Variants in UCKL1 observed in about 807,000 individuals in gnomAD.
UCKL1 encodes uridine-cytidine kinase 1 like 1.
Under a neutral mutation model 59.2 loss-of-function variants are expected in UCKL1, and 65 were observed. The observed-to-expected ratio is 1.10, with a 90% CI of 0.90 to 1.35. UCKL1 has a LOEUF of 1.35. Among genes scored for constraint, UCKL1 ranks in the 40% most tolerant of loss-of-function variants. UCKL1 has a pLI of 0.00. For missense variants in UCKL1, 703 were observed against 784.3 expected (o/e 0.90, Z 1.24); for synonymous variants, 410 against 323.1 (o/e 1.27, Z -2.88).
intron 1 of UCKL1, chr20:63,948,577 G>GGGCGTGTGT (rs1569120920): frequency 6.2e-5 from 5 of 80,616 alleles, no homozygotes; most frequent in African/African-American, 1.7e-4. Context: ...GAGAGGGAGG[G>GGGCGTGTGT]GATGTGTGTG....
At chr20:63,940,544 T>G in intron 12 of UCKL1, 50 bp downstream of exon 12, 3 of 1,603,684 alleles carry the variant, frequency 1.9e-6, no homozygotes, top group Non-Finnish European at 2.5e-6. Flanking sequence ...TGCTGTGAGC[T>G]CCCTCTGCCC....
rs1326834594 is a variant in UCKL1 at position 63,944,703 on chromosome 20, T to C, written c.686A>G (p.Asp229Gly). The change falls in exon 6 of 15, where the codon GAC (aspartate) becomes GGC (glycine). Residue 229 changes from aspartate (D) to glycine (G), a missense_variant. This residue lies in a region of UCKL1 where 398 missense variants were observed against 373.0 expected (regional missense o/e 1.07). Coordinates refer to ENST00000354216, the MANE Select transcript of UCKL1 (RefSeq NM_017859.4). ...LLDMKIFVDT[D>G]SDIRLVRRLR... ...CCGCCGTACCAGGCGGATGTCGGAG[T>C]CTGTGTCCACAAAGATCTTCATGTC... is the stretch of plus-strand genomic sequence containing the variant. 1.2e-6 allele frequency: 2 copies of C among 1,612,732 alleles called. No homozygotes were observed. The highest frequency in any genetic ancestry group is 2.7e-5 in the African/African-American group (2 of 74,934).
In UCKL1 at chr20:63,942,910, G is replaced by T. The variant is rs974561143; in HGVS notation, c.923+743C>A. 1.2e-4 allele frequency among the ~76,000 whole-genome samples: 18 copies of T among 152,294 alleles called. No homozygotes were observed. The East Asian group carries it at 1.4e-3, about 11-fold the overall frequency. On this transcript the variant is annotated intron_variant, in intron 8 of 14. Transcript: ENST00000354216. ...CTCATGCAGGCACCGGAAGCTGGACGGCTGGTGGACGGGCCCTGGAGGCAT... is the reference window on the plus strand; with the variant it reads ...CTCATGCAGGCACCGGAAGCTGGACTGCTGGTGGACGGGCCCTGGAGGCAT...
chr20:63,956,323 G>A lies in UCKL1; in HGVS notation c.50C>T (p.Pro17Leu). Reference protein sequence around the residue: ...RADADPSPTSPPTARDTPGRQ... With the variant: ...RADADPSPTSLPTARDTPGRQ... ...GCCTGGTGTGTCTCGGGCCGTAGGT[G>A]GCGACGTGGGCGAAGGATCAGCGTC... is the stretch of plus-strand genomic sequence containing the variant. Residue 17 changes from proline (P) to leucine (L), a missense_variant, in exon 1 of 15, where the codon CCA becomes CTA. This residue lies in a region of UCKL1 where 398 missense variants were observed against 373.0 expected (regional missense o/e 1.07). Transcript: ENST00000354216. 1 of 1,553,840 alleles carries A rather than the reference G, an allele frequency of 6.4e-7. No individual in the cohort carries two copies. Among genetic ancestry groups the A allele is most frequent in the African/African-American group, 1.4e-5 (1 of 70,396 alleles).
intron 1 of UCKL1, among the ~76,000 whole-genome samples, chr20:63,947,332 C>A (rs1050274553): frequency 1.4e-4 from 22 of 152,242 alleles, no homozygotes; most frequent in African/African-American, 5.3e-4. Flanking sequence ...GCAGGTGAGA[C>A]CCCAAAATGG....
chr20:63,946,950 G>A (rs1366132519), intron 1 of UCKL1, among the ~76,000 whole-genome samples: 5 of 152,108 alleles, frequency 3.3e-5, no homozygotes, highest in Non-Finnish European at 5.9e-5. Context: ...TGGGTGCGGT[G>A]GTGGGTGCCT....
rs1272744896 is a variant in UCKL1, at chr20:63,946,262, C to G, written c.310G>C (p.Gly104Arg). 1.3e-6 allele frequency: 2 copies of G among 1,590,602 alleles called. No individual in the cohort carries two copies. Among genetic ancestry groups the G allele is most frequent in the East Asian group, 2.3e-5 (1 of 43,174 alleles). The change falls in exon 3 of 15, where the codon GGA becomes CGA. Residue 104 changes from glycine to arginine, a missense_variant. This residue lies in a region of UCKL1 where 398 missense variants were observed against 373.0 expected (regional missense o/e 1.07). Coordinates refer to ENST00000354216, the MANE Select transcript of UCKL1 (RefSeq NM_017859.4). ...GTCTTCCCAGAGGCACTGCCGCCTC[C>G]CAAGCCTGCCGGCGGGAGTGGAGAC... The part of the protein sequence containing the change: ...QSKEAFAIGL[G>R]GGSASGKTTV...
intron 7 of UCKL1, among the ~76,000 whole-genome samples, 183 bp downstream of exon 7, chr20:63,944,214 C>T (rs542706407): frequency 6.6e-5 from 10 of 152,326 alleles, no homozygotes; most frequent in East Asian, 5.8e-4. Context: ...CACAGCACAA[C>T]GGGATGGGGT....
Position 63,940,649 on chromosome 20 carries a change from T to TC in UCKL1, c.1246dup (p.Asp416GlyfsTer32). The TC allele has an allele frequency of 6.2e-7, 1 of 1,610,386 alleles. No homozygotes were observed. The highest frequency in any genetic ancestry group is 8.5e-7 in the Non-Finnish European group (1 of 1,179,450). On this transcript the variant is annotated frameshift_variant, in exon 12 of 15. Coordinates refer to ENST00000354216, the MANE Select transcript of UCKL1 (RefSeq NM_017859.4). LOFTEE classifies it high-confidence loss of function. ...GATGAGGATGGTGCCGATGCGCACG[T>TC]CTTTGCACACAGCGCGCAGCGCGGG...
chr20:63,944,347 T>C lies in UCKL1; in HGVS notation c.906+50A>G. ...ACTGGGGGTGGTGGCAGCGGAGAAG[T>C]GGGTAGAGGGGCTGGGGGCTAGGCC... On this transcript the variant is annotated intron_variant, in intron 7 of 14. Coordinates refer to ENST00000354216, the MANE Select transcript of UCKL1 (RefSeq NM_017859.4). 3.3e-6 allele frequency: 5 copies of C among 1,510,468 alleles called. No homozygotes were observed. The South Asian group carries it at 3.8e-5, about 11-fold the overall frequency. 93.6% of individuals were successfully genotyped at this position (1,510,468 alleles called of 1,614,324 possible).
chr20:63,949,106 GAGAC>G (rs1274463566), intron 1 of UCKL1, among the ~76,000 whole-genome samples: 1 of 152,198 alleles, frequency 6.6e-6, no homozygotes, highest in Non-Finnish European at 1.5e-5. Flanking sequence ...CCTCTCCTCA[GAGAC>G]AGACAGGTCT....
At chr20:63,951,303 C>T in intron 1 of UCKL1, 1 of 688,926 alleles carries the variant, frequency 1.5e-6, no homozygotes, top group Non-Finnish European at 1.8e-6. Flanking sequence ...TGGGCTGGCA[C>T]ATTCGGCCAG....
At position 63,945,966 on chromosome 20, in the gene UCKL1, C is replaced by T. The variant is rs2056072517; in HGVS notation, c.421G>A (p.Glu141Lys). The T allele has an allele frequency of 6.2e-7, 1 of 1,613,774 alleles. No homozygotes were observed. Among genetic ancestry groups the T allele is most frequent in the Non-Finnish European group, 8.5e-7 (1 of 1,179,966 alleles). ...TGTGCGGCCTGTTCCTGCTGCTGCTCAGTCAGCACCTGGTGGGGGAGGCTG... is the reference window on the plus strand; with the variant it reads ...TGTGCGGCCTGTTCCTGCTGCTGCTTAGTCAGCACCTGGTGGGGGAGGCTG... ...SMDSFYKVLT[E>K]QQQEQAAHNN... The change falls in exon 4 of 15, where the codon GAG (glutamate) becomes AAG (lysine). Residue 141 changes from glutamate to lysine, a missense_variant. By Grantham distance (56) the Glu-to-Lys change is moderately conservative. This residue lies in a region of UCKL1 where 398 missense variants were observed against 373.0 expected (regional missense o/e 1.07). Transcript: ENST00000354216.
chr20:63,953,072 C>T (rs2057939419), intron 1 of UCKL1, among the ~76,000 whole-genome samples: 1 of 151,988 alleles, frequency 6.6e-6, no homozygotes, highest in African/African-American at 2.4e-5. Context: ...GTGGAGAAAC[C>T]TTATCTCTAC....
rs1375974879 is a variant in UCKL1, at chr20:63,940,368, G to C, written c.1410+10C>G. 6.2e-7 allele frequency: 1 copy of C among 1,611,760 alleles called. No individual in the cohort carries two copies. The highest frequency in any genetic ancestry group is 8.5e-7 in the Non-Finnish European group (1 of 1,179,222). On this transcript the variant is annotated intron_variant, in intron 13 of 14. Transcript: ENST00000354216. Reference sequence around the variant, plus strand: ...CCTGAACCTGCCCCGCCTACCCAGGGCTCACTCACCAGGAGCACGCGCACT... The same window carrying C: ...CCTGAACCTGCCCCGCCTACCCAGGCCTCACTCACCAGGAGCACGCGCACT...
chr20:63,946,479 G>A lies in UCKL1; in HGVS notation c.278C>T (p.Thr93Met), dbSNP rs138290089. The change falls in exon 2 of 15, where the codon ACG becomes ATG. Residue 93 changes from threonine to methionine, a missense_variant. Thr to Met is a moderately conservative substitution (Grantham distance 81). This residue lies in a region of UCKL1 where 398 missense variants were observed against 373.0 expected (regional missense o/e 1.07). Transcript: ENST00000354216. ...GRPPWYNEHG[T>M]QSKEAFAIGL... ...GATGGCGAAGGCCTCTTTGGATTGCGTGCCGTGTTCATTGTACCAGGGCGG... is the reference window on the plus strand; with the variant it reads ...GATGGCGAAGGCCTCTTTGGATTGCATGCCGTGTTCATTGTACCAGGGCGG... 5.7e-5 allele frequency: 90 copies of A among 1,573,890 alleles called. No individual in the cohort carries two copies. Among genetic ancestry groups the A allele is most frequent in the East Asian group, 3.6e-4 (16 of 44,444 alleles).
intron 1 of UCKL1, among the ~76,000 whole-genome samples, chr20:63,947,967 G>A (rs1166150276): frequency 6.6e-6 from 1 of 152,130 alleles, no homozygotes; most frequent in Non-Finnish European, 1.5e-5. Context: ...CTCTGGGGAG[G>A]CTCAATATGG....
At chr20:63,956,006 G>A (rs1409004494) in intron 1 of UCKL1, 2 of 365,696 alleles carry the variant, frequency 5.5e-6, no homozygotes, top group Non-Finnish European at 1.0e-5. Flanking sequence ...AGAGACCAAG[G>A]TCAACGCTGG....
At chr20:63,943,349 G>A (rs767190860) in intron 8 of UCKL1, among the ~76,000 whole-genome samples, 7 of 152,228 alleles carry the variant, frequency 4.6e-5, no homozygotes, top group Non-Finnish European at 1.0e-4. Context: ...GGCTCAGGAG[G>A]ACAGCTGTGC....
Sources: gnomAD v4.1 joint callset for allele counts (sites outside exome capture counted in the v4.1 genomes callset) on GRCh38, gnomAD v4.1.1 for gene constraint, gnomAD v4.1.1 regional missense constraint, MANE v1.5 for transcripts, NCBI Gene and HGNC (gene_info 2026-07-23, HGNC 2026-07-21) for gene names.